The following MPO variants were observed in gnomAD, a reference collection of about 807,000 sequenced individuals.
MPO encodes myeloperoxidase.
A neutral mutation model predicts 69.4 loss-of-function variants in MPO; 57 were observed. That is an observed-to-expected ratio of 0.82 (90% CI 0.66 to 1.02). MPO has a LOEUF of 1.02. Ranked by LOEUF, MPO falls within the 50% of genes least tolerant of loss-of-function variation. The pLI, the probability that MPO is intolerant of heterozygous loss-of-function variation, is 0.00. For synonymous variants in MPO, 426 were observed against 417.1 expected (o/e 1.02, Z -0.26); for missense variants, 971 against 1,014.1 (o/e 0.96, Z 0.58).
At chr17:58,278,583 A>G (rs1367733765) in intron 6 of MPO, among the ~76,000 whole-genome samples, 7 of 150,122 alleles carry the variant, frequency 4.7e-5, no homozygotes, top group Admixed American at 4.6e-4. Context: ...CACCCACCAG[A>G]CCCCCAGGCT....
In MPO at chr17:58,270,999, C is replaced by G; in HGVS notation, c.2031-136G>C. Reference sequence around the variant, plus strand: ...TGGAAGCACAGGAGGGCCCCAGGCCCTTGGGCAGCCCAGGGGCTTTCACAC... The same window carrying G: ...TGGAAGCACAGGAGGGCCCCAGGCCGTTGGGCAGCCCAGGGGCTTTCACAC... On this transcript the variant is annotated intron_variant, in intron 11 of 11. Coordinates refer to ENST00000225275, the MANE Select transcript of MPO (RefSeq NM_000250.2). This position sits in a 1 kb window ranked among gnomAD's most constrained non-coding sequence, Gnocchi z 4.1. The G allele has an allele frequency of 4.5e-6, 4 of 895,832 alleles. No individual in the cohort carries two copies. Among genetic ancestry groups the G allele is most frequent in the Non-Finnish European group, 7.1e-6 (4 of 560,934 alleles). The allele number at this position is 895,832 out of a possible 1,614,324, so 55.5% of individuals were successfully genotyped here.
At chr17:58,272,666 A>C in intron 10 of MPO, 82 bp downstream of exon 10, 1 of 1,509,270 alleles carries the variant, frequency 6.6e-7, no homozygotes, top group Non-Finnish European at 9.0e-7. Context: ...CAGGGACCCT[A>C]GAGTGGGAAG....
chr17:58,274,385 A>T (rs11489013), intron 8 of MPO, among the ~76,000 whole-genome samples: 2,954 of 113,492 alleles, frequency 0.026, 102 homozygotes, highest in African/African-American at 0.1. Flanking sequence ...TGTGTGTGTG[A>T]GTGTGTGTAT....
intron 7 of MPO, 152 bp downstream of exon 7, chr17:58,277,675 G>A (rs35709273): frequency 0.018 from 20,500 of 1,146,702 alleles, 279 homozygotes; most frequent in Middle Eastern, 0.029. Flanking sequence ...TTGTTACCAA[G>A]GCAACTGGAT....
In MPO at chr17:58,278,083, G is replaced by A. The variant is rs758566753; in HGVS notation, c.948C>T (p.Cys316=). ...TGATGTTGCTCCCGGGGCAAGCCGG[G>A]CAGGAGCGGAAGAACGGGATGCAGT... is the stretch of plus-strand genomic sequence containing the variant. ...QADCIPFFRS[C]PACPGSNITI... The change falls in exon 7 of 12, where the codon TGC becomes TGT. Residue 316 remains cysteine, a synonymous_variant. Transcript: ENST00000225275. 8.7e-6 allele frequency: 14 copies of A among 1,610,384 alleles called. No homozygotes were observed. The highest frequency in any genetic ancestry group is 2.2e-5 in the East Asian group (1 of 44,884).
At chr17:58,272,496 G>T (rs148400336) in intron 10 of MPO, among the ~76,000 whole-genome samples, 1 of 152,184 alleles carries the variant, frequency 6.6e-6, no homozygotes, top group African/African-American at 2.4e-5. Flanking sequence ...TCAGACTGTG[G>T]GTTATCATTA....
chr17:58,280,634 G>C lies in MPO; in HGVS notation c.125C>G (p.Thr42Arg). ...AGCAGCACCTTCAGAGGGCTGGGGC[G>C]TGGCCAGAATGGCCAGGAGCCCTGC... ...ALAGLLAILA[T>R]PQPSEGAAPA... Residue 42 changes from threonine (T) to arginine (R), a missense_variant, in exon 1 of 12, where the codon ACG becomes AGG. Transcript: ENST00000225275. 1 of 1,614,216 alleles carries C rather than the reference G, an allele frequency of 6.2e-7. No homozygotes were observed. The highest frequency in any genetic ancestry group is 8.5e-7 in the Non-Finnish European group (1 of 1,180,048).
rs368720980 is a variant in MPO at position 58,272,922 on chromosome 17, G to A, written c.1622-4C>T. The A allele has an allele frequency of 1.2e-6, 2 of 1,613,992 alleles. No individual in the cohort carries two copies. Among genetic ancestry groups the A allele is most frequent in the South Asian group, 1.1e-5 (1 of 91,076 alleles). ...CGGAGGATGGGGTCAATGCCACCTGGGGACCAGAGGAGCCAGGTCAGGGGA... is the reference window on the plus strand; with the variant it reads ...CGGAGGATGGGGTCAATGCCACCTGAGGACCAGAGGAGCCAGGTCAGGGGA... On this transcript the variant is annotated splice_region_variant and splice_polypyrimidine_tract_variant and intron_variant, in intron 9 of 11. Coordinates refer to ENST00000225275, the MANE Select transcript of MPO (RefSeq NM_000250.2).
chr17:58,272,860 C>G lies in MPO; in HGVS notation c.1680G>C (p.Gln560His), dbSNP rs1051409286. 1.2e-6 allele frequency: 2 copies of G among 1,614,206 alleles called. No individual in the cohort carries two copies. Among genetic ancestry groups the G allele is most frequent in the Admixed American group, 3.3e-5 (2 of 60,036 alleles). ...LMATPAKLNRQNQIAVDEIRE... is the reference protein window; with the variant it reads ...LMATPAKLNRHNQIAVDEIRE... ...GGATCTCATCCACTGCAATTTGGTT[C>G]TGACGATTCAGCTTGGCAGGGGTGG... The change falls in exon 10 of 12, where the codon CAG becomes CAC. Residue 560 changes from glutamine (Q) to histidine (H), a missense_variant. Physicochemically the swap from Gln to His is conservative, Grantham distance 24. Transcript: ENST00000225275.
chr17:58,271,694 A>C lies in MPO; in HGVS notation c.1991T>G (p.Ile664Ser). 2.5e-6 allele frequency: 4 copies of C among 1,613,942 alleles called. No homozygotes were observed. The highest frequency in any genetic ancestry group is 3.4e-6 in the Non-Finnish European group (4 of 1,180,040). Reference sequence around the variant, plus strand: ...GAGCTTCCTGAACTGGGTACCGATGATGCAGGCGAGGAGTGGGCCCACGCG... The same window carrying C: ...GAGCTTCCTGAACTGGGTACCGATGCTGCAGGCGAGGAGTGGGCCCACGCG... ...KGRVGPLLACIIGTQFRKLRD... is the reference protein window; with the variant it reads ...KGRVGPLLACSIGTQFRKLRD... Residue 664 changes from isoleucine to serine, a missense_variant, in exon 11 of 12, where the codon ATC becomes AGC. By Grantham distance (142) the Ile-to-Ser change is moderately radical (BLOSUM62 -2). Coordinates refer to ENST00000225275, the MANE Select transcript of MPO (RefSeq NM_000250.2).
rs1567829933 is a variant in MPO, at chr17:58,279,920, C to A, written c.343G>T (p.Ala115Ser). Residue 115 changes from alanine (A) to serine (S), a missense_variant, in exon 3 of 12, where the codon GCC becomes TCC. By Grantham distance (99) the Ala-to-Ser change is moderately conservative (BLOSUM62 1). Transcript: ENST00000225275. The stretch of plus-strand genomic sequence containing the variant: ...AGAGCCACGTGCAGGTAGTCAGCGG[C>A]CCTCACCGCCGTCCTGGTGGCTGCC... ...PVAATRTAVR[A>S]ADYLHVALDL... 6.2e-7 allele frequency: 1 copy of A among 1,613,992 alleles called. No homozygotes were observed.
Position 58,275,355 on chromosome 17 carries a change from A to G in MPO, c.1365+187T>C, listed in dbSNP as rs1285672002. On this transcript the variant is annotated intron_variant, in intron 8 of 11. Coordinates refer to ENST00000225275, the MANE Select transcript of MPO (RefSeq NM_000250.2). The surrounding 1 kb of genome is among the most constrained non-coding windows in gnomAD (Gnocchi z 4.1). ...GCAAACCTGCGAAGAAGGAGAGGGAAGGGAAGGAGGCTTTGTCAAGCACTT... is the reference window on the plus strand; with the variant it reads ...GCAAACCTGCGAAGAAGGAGAGGGAGGGGAAGGAGGCTTTGTCAAGCACTT... Among the ~76,000 whole-genome samples, 1 of 152,214 alleles carries G rather than the reference A, an allele frequency of 6.6e-6. No homozygotes were observed.
chr17:58,280,335 G>A (rs764296237), intron 2 of MPO, 31 bp downstream of exon 2: 3 of 1,607,510 alleles, frequency 1.9e-6, no homozygotes, highest in East Asian at 4.5e-5. Flanking sequence ...GGACATCCTT[G>A]CCCAGAGCTG....
chr17:58,279,167 C>T lies in MPO; in HGVS notation c.726G>A (p.Leu242=), dbSNP rs1331550266. 6.2e-7 allele frequency: 1 copy of T among 1,611,768 alleles called. No homozygotes were observed. Among genetic ancestry groups the T allele is most frequent in the Admixed American group, 1.7e-5 (1 of 59,676 alleles). The change falls in exon 6 of 12, where the codon CTG becomes CTA. Residue 242 remains leucine, a synonymous_variant. Coordinates refer to ENST00000225275, the MANE Select transcript of MPO (RefSeq NM_000250.2). ...TGAGTGAGCGCTCCTGGTCCGGAGT[C>T]AGCTGATCAGTGGGGAAGCGCACGA... The part of the protein sequence containing the change: ...NEIVRFPTDQ[L]TPDQERSLMF...
chr17:58,270,893 C>T lies in MPO; in HGVS notation c.2031-30G>A. ...ATGGGGAACACCCATGGACACTGTG[C>T]CCAAGGATATTCTGGGCTGGCAGGG... On this transcript the variant is annotated intron_variant, in intron 11 of 11. Transcript: ENST00000225275. The surrounding 1 kb of genome is among the most constrained non-coding windows in gnomAD (Gnocchi z 4.1). The T allele has an allele frequency of 6.2e-7, 1 of 1,611,382 alleles. No homozygotes were observed. Among genetic ancestry groups the T allele is most frequent in the South Asian group, 1.1e-5 (1 of 91,000 alleles).
chr17:58,273,527 G>T lies in MPO; in HGVS notation c.1508C>A (p.Thr503Asn). 6.2e-7 allele frequency: 1 copy of T among 1,614,258 alleles called. No individual in the cohort carries two copies. The highest frequency in any genetic ancestry group is 2.2e-5 in the East Asian group (1 of 44,884). ...VFTNAFRYGH[T>N]LIQPFMFRLD... ...GCGGAACATGAAGGGTTGGATGAGGGTGTGGCCGTAGCGGAAGGCATTGGT... is the reference window on the plus strand; with the variant it reads ...GCGGAACATGAAGGGTTGGATGAGGTTGTGGCCGTAGCGGAAGGCATTGGT... The change falls in exon 9 of 12, where the codon ACC becomes AAC. Residue 503 changes from threonine to asparagine, a missense_variant. Coordinates refer to ENST00000225275, the MANE Select transcript of MPO (RefSeq NM_000250.2).
In MPO at chr17:58,275,456, C is replaced by T. The variant is rs8067377; in HGVS notation, c.1365+86G>A. On this transcript the variant is annotated intron_variant, in intron 8 of 11. Transcript: ENST00000225275. This position sits in a 1 kb window ranked among gnomAD's most constrained non-coding sequence, Gnocchi z 4.1. ...GGATGAAGAAGGCAAGGCTCAGGAG[C>T]GTTAGGAACTTGCCCAAGGTCACAC... The T allele has an allele frequency of 4.4e-3, 6,803 of 1,547,894 alleles. 252 individuals carry two copies. The African/African-American group carries it at 0.081, about 18-fold the overall frequency.
At position 58,270,945 on chromosome 17, in the gene MPO, G is replaced by T; in HGVS notation, c.2031-82C>A. On this transcript the variant is annotated intron_variant, in intron 11 of 11. Coordinates refer to ENST00000225275, the MANE Select transcript of MPO (RefSeq NM_000250.2). The surrounding 1 kb of genome is among the most constrained non-coding windows in gnomAD (Gnocchi z 4.1). ...ATCGATGGGCTTGTGCTGCTCCCAG[G>T]ATATAACAAAGCCACAACAAATGCC... 1 of 1,512,450 alleles carries T rather than the reference G, an allele frequency of 6.6e-7. No homozygotes were observed. Among genetic ancestry groups the T allele is most frequent in the East Asian group, 2.3e-5 (1 of 44,038 alleles). The allele number at this position is 1,512,450 out of a possible 1,614,324, so 93.7% of individuals were successfully genotyped here.
intron 10 of MPO, 127 bp downstream of exon 10, chr17:58,272,621 G>T: frequency 8.7e-7 from 1 of 1,145,308 alleles, no homozygotes; most frequent in Non-Finnish European, 1.2e-6. Context: ...GCTACTTCCT[G>T]AGAGCAAAGT....
Sources: allele counts gnomAD v4.1 joint callset (sites outside exome capture counted in the v4.1 genomes callset), GRCh38; gene constraint gnomAD v4.1.1; non-coding constraint Gnocchi (gnomAD v3.1); transcripts MANE v1.5; gene names NCBI Gene and HGNC (gene_info 2026-07-23, HGNC 2026-07-21).